ZNF462: variants seen among roughly 807,000 people sequenced by gnomAD.
ZNF462 encodes zinc finger PBX1-interacting protein.
In ZNF462, 10 loss-of-function variants were observed where a neutral mutation model predicts 201.9. The ratio of observed to expected loss-of-function variants is 0.05; its 90% CI spans 0.03 to 0.08. The LOEUF (loss-of-function observed/expected upper bound fraction) is 0.08, where lower values mean the gene tolerates loss of function less well. Among genes scored for constraint, ZNF462 ranks in the 10% least tolerant of loss-of-function variants. The pLI, the probability that ZNF462 is intolerant of heterozygous loss-of-function variation, is 1.00. For synonymous variants in ZNF462, 1,227 were observed against 1,193.3 expected (o/e 1.03, Z -0.58); for missense variants, 2,523 against 3,168.3 (o/e 0.80, Z 4.89).
chr9:106,904,132 G>T (rs571421381), intron 1 of ZNF462, among the ~76,000 whole-genome samples: 1 of 151,960 alleles, frequency 6.6e-6, no homozygotes, highest in East Asian at 1.9e-4. Context: ...TGGTAATGGC[G>T]AATTCTCCCA....
intron 1 of ZNF462, among the ~76,000 whole-genome samples, chr9:106,878,609 G>A (rs1203738653): frequency 6.6e-6 from 1 of 152,212 alleles, no homozygotes; most frequent in Non-Finnish European, 1.5e-5. Context: ...TCACAGTTGT[G>A]TTAGGCTCTT....
At chr9:106,982,571 C>T (rs1006391804) in intron 9 of ZNF462, among the ~76,000 whole-genome samples, 1 of 152,142 alleles carries the variant, frequency 6.6e-6, no homozygotes, top group Non-Finnish European at 1.5e-5. Context: ...GTGTGGATTA[C>T]ATTATAATCA....
chr9:106,986,975 T>TCATA (rs1827881280), intron 10 of ZNF462, among the ~76,000 whole-genome samples: 1 of 135,188 alleles, frequency 7.4e-6, no homozygotes, highest in Non-Finnish European at 1.6e-5. Flanking sequence ...TAGTATTCCA[T>TCATA]CATAGATAGA....
At chr9:106,931,440 G>A (rs1428187111) in intron 4 of ZNF462, among the ~76,000 whole-genome samples, 2 of 152,142 alleles carry the variant, frequency 1.3e-5, no homozygotes, top group Non-Finnish European at 2.9e-5. Context: ...GGGTACACGC[G>A]AACATATTTT....
chr9:107,000,366 GA>G (rs1829094582), intron 10 of ZNF462, among the ~76,000 whole-genome samples: 1 of 151,938 alleles, frequency 6.6e-6, no homozygotes, highest in South Asian at 2.1e-4. Flanking sequence ...CCACACTAAA[GA>G]ATCAGGTACA....
rs886634167 is a variant in ZNF462, at chr9:107,008,997, A to G, written c.7190-548A>G. On this transcript the variant is annotated intron_variant, in intron 11 of 12. Transcript: ENST00000277225. This position sits in a 1 kb window ranked among gnomAD's most constrained non-coding sequence, Gnocchi z 4.8. ...CATTCAGTGCACATAACCGCCCTGT[A>G]AGGTATTGATTATAATGTCTATGAT... Among the ~76,000 whole-genome samples, 4 of 152,176 alleles carry G rather than the reference A, an allele frequency of 2.6e-5. No homozygotes were observed. Among genetic ancestry groups the G allele is most frequent in the African/African-American group, 9.7e-5 (4 of 41,440 alleles).
At chr9:106,900,206 G>A (rs1415232599) in intron 1 of ZNF462, among the ~76,000 whole-genome samples, 17 of 5,856 alleles carry the variant, frequency 2.9e-3, no homozygotes, top group African/African-American at 0.018. Context: ...ATTCCATCGT[G>A]TGTGTGTGTG....
intron 10 of ZNF462, among the ~76,000 whole-genome samples, chr9:107,001,334 C>CT (rs1340616556): frequency 1.1e-4 from 16 of 152,114 alleles, no homozygotes; most frequent in African/African-American, 3.9e-4. Context: ...ATTTACAATG[C>CT]TTGTTGTAAG....
intron 7 of ZNF462, among the ~76,000 whole-genome samples, chr9:106,959,088 TAGG>T (rs1831711642): frequency 6.6e-6 from 1 of 152,122 alleles, no homozygotes; most frequent in African/African-American, 2.4e-5. Context: ...ACTAACAAAA[TAGG>T]AGTGAATCAT....
chr9:106,959,726 G>A (rs914263271), intron 7 of ZNF462, among the ~76,000 whole-genome samples: 2 of 152,062 alleles, frequency 1.3e-5, no homozygotes, highest in East Asian at 3.9e-4. Flanking sequence ...TAAGGTCATG[G>A]TGAAGGGCAA....
At chr9:106,943,093 T>TG (rs1830956236) in intron 7 of ZNF462, among the ~76,000 whole-genome samples, 7 of 151,540 alleles carry the variant, frequency 4.6e-5, no homozygotes, top group Admixed American at 3.3e-4. Context: ...TGTGTGTGTG[T>TG]TTGCTGGTGC....
At chr9:106,868,816 T>G (rs939555318) in intron 1 of ZNF462, among the ~76,000 whole-genome samples, 1 of 152,208 alleles carries the variant, frequency 6.6e-6, no homozygotes, top group Admixed American at 6.5e-5. Flanking sequence ...ATAGCTGCTC[T>G]CTTCTCCAGG....
At chr9:106,871,043 T>C (rs1306619985) in intron 1 of ZNF462, among the ~76,000 whole-genome samples, 2 of 152,200 alleles carry the variant, frequency 1.3e-5, no homozygotes, top group African/African-American at 4.8e-5. Context: ...GGGAAAATTC[T>C]CCCCGTTAAC....
Position 107,005,965 on chromosome 9 carries a change from G to A in ZNF462, c.7189+2539G>A, listed in dbSNP as rs1829515843. On this transcript the variant is annotated intron_variant, in intron 11 of 12. Coordinates refer to ENST00000277225, the MANE Select transcript of ZNF462 (RefSeq NM_021224.6). This position sits in a 1 kb window ranked among gnomAD's most constrained non-coding sequence, Gnocchi z 4.4. ...GCCCTTTCCCCATTATGTGTTCTTG[G>A]CACCTTTGTTGAAAACCGATGGACT... 6.6e-6 allele frequency among the ~76,000 whole-genome samples: 1 copy of A among 152,050 alleles called. No individual in the cohort carries two copies. The highest frequency in any genetic ancestry group is 6.6e-5 in the Admixed American group (1 of 15,260).
intron 10 of ZNF462, among the ~76,000 whole-genome samples, chr9:106,987,034 TAG>T (rs1425922538): frequency 6.9e-6 from 1 of 144,342 alleles, no homozygotes; most frequent in African/African-American, 2.5e-5. Flanking sequence ...GATAGATAGA[TAG>T]ATATCACAGT....
At chr9:106,884,553 C>G (rs906611773) in intron 1 of ZNF462, among the ~76,000 whole-genome samples, 1 of 152,122 alleles carries the variant, frequency 6.6e-6, no homozygotes, top group African/African-American at 2.4e-5. Context: ...CACCTCTGCC[C>G]TGTCCCCTTC....
Position 107,009,528 on chromosome 9 carries a change from C to A in ZNF462, c.7190-17C>A, listed in dbSNP as rs1829799542. Reference sequence around the variant, plus strand: ...TTCCCACAGCACACAGGTAACACTTCTGCTTTCTCTTTGCAGAGCTGATGA... The same window carrying A: ...TTCCCACAGCACACAGGTAACACTTATGCTTTCTCTTTGCAGAGCTGATGA... On this transcript the variant is annotated splice_polypyrimidine_tract_variant and intron_variant, in intron 11 of 12. Coordinates refer to ENST00000277225, the MANE Select transcript of ZNF462 (RefSeq NM_021224.6). The surrounding 1 kb of genome is among the most constrained non-coding windows in gnomAD (Gnocchi z 6.1). 2 of 1,613,628 alleles carry A rather than the reference C, an allele frequency of 1.2e-6. No individual in the cohort carries two copies. The highest frequency in any genetic ancestry group is 1.7e-6 in the Non-Finnish European group (2 of 1,179,828).
At chr9:106,910,374 T>TG (rs60347817) in intron 1 of ZNF462, among the ~76,000 whole-genome samples, 102 of 148,822 alleles carry the variant, frequency 6.9e-4, no homozygotes, top group African/African-American at 2.1e-3. Flanking sequence ...TTTTTTTTTT[T>TG]TTTTTTTTTT....
At chr9:107,007,028 C>A (rs1281275073) in intron 11 of ZNF462, among the ~76,000 whole-genome samples, 1 of 152,118 alleles carries the variant, frequency 6.6e-6, no homozygotes, top group African/African-American at 2.4e-5. Context: ...TGCACTGTTA[C>A]CGGAGTTTTC....
Sources: gnomAD v4.1 joint callset for allele counts (sites outside exome capture counted in the v4.1 genomes callset) on GRCh38, gnomAD v4.1.1 for gene constraint, Gnocchi (gnomAD v3.1) non-coding constraint, MANE v1.5 for transcripts, NCBI Gene and HGNC (gene_info 2026-07-23, HGNC 2026-07-21) for gene names.